Variants in WDR20 observed in about 807,000 individuals in gnomAD.
WDR20 encodes the protein WD repeat domain 20.
In WDR20, 3 loss-of-function variants were observed where a neutral mutation model predicts 38.7. That is an observed-to-expected ratio of 0.08 (90% CI 0.04 to 0.20). WDR20 has a LOEUF of 0.20. Among genes scored for constraint, WDR20 ranks in the 10% least tolerant of loss-of-function variants. WDR20 has a pLI of 1.00. For synonymous variants in WDR20, 298 were observed against 285.6 expected, an observed-to-expected ratio of 1.04 and a Z score of -0.44; for missense variants, 559 against 727.7, an observed-to-expected ratio of 0.77 and a Z score of 2.67.
downstream of WDR20, among the ~76,000 whole-genome samples, chr14:102,215,539 G>C (rs1389692043): frequency 6.6e-6 from 1 of 152,140 alleles, no homozygotes; most frequent in Non-Finnish European, 1.5e-5. Context: ...GTGCCACGGT[G>C]GTTTGTTGCG....
At chr14:102,186,674 G>A (rs780665593) in intron 1 of WDR20, among the ~76,000 whole-genome samples, 6 of 152,000 alleles carry the variant, frequency 3.9e-5, no homozygotes, top group Admixed American at 2.0e-4. Flanking sequence ...ACCAAGGGCC[G>A]GGCGCAGTGG....
intron 1 of WDR20, among the ~76,000 whole-genome samples, chr14:102,148,888 G>A (rs376554483): frequency 3.9e-5 from 6 of 152,236 alleles, no homozygotes; most frequent in East Asian, 3.9e-4. Flanking sequence ...TAGGCCAGGC[G>A]CGGTGGCTCA....
chr14:102,209,462 G>A lies in WDR20; in HGVS notation c.1292G>A (p.Arg431Gln). 3 of 1,614,136 alleles carry A rather than the reference G, an allele frequency of 1.9e-6. No homozygotes were observed. Among genetic ancestry groups the A allele is most frequent in the South Asian group, 1.1e-5 (1 of 91,084 alleles). ...PGNSVPPPLP[R>Q]SNSLPHSAVS... ...AACTCTGTGCCGCCTCCTCTGCCAC[G>A]GTCCAACAGCCTTCCACATTCAGCA... The change falls in exon 3 of 3, where the codon CGG (arginine) becomes CAG (glutamine). Residue 431 changes from arginine to glutamine, a missense_variant. Physicochemically the swap from Arg to Gln is conservative, Grantham distance 43. Transcript: ENST00000342702. The surrounding 1 kb of genome is among the most constrained non-coding windows in gnomAD (Gnocchi z 6.0).
At chr14:102,156,869 T>C (rs889915226) in intron 1 of WDR20, among the ~76,000 whole-genome samples, 2 of 152,052 alleles carry the variant, frequency 1.3e-5, no homozygotes, top group African/African-American at 4.8e-5. Context: ...CAGGCACCTG[T>C]AATCACAGAA....
At position 102,222,999 on chromosome 14, in the gene WDR20, G is replaced by A. The variant is rs920780741; in HGVS notation, c.*116G>A. 27 of 1,263,448 alleles carry A rather than the reference G, an allele frequency of 2.1e-5. No homozygotes were observed. Among genetic ancestry groups the A allele is most frequent in the South Asian group, 1.9e-4 (15 of 80,794 alleles). The allele number at this position is 1,263,448 out of a possible 1,614,324, so 78.3% of individuals were successfully genotyped here. A position where few individuals can be genotyped will look rare whatever the true frequency, so the allele number is the denominator to read the frequency against. On this transcript the variant is annotated 3_prime_UTR_variant, in exon 4 of 4. Coordinates refer to the WDR20 transcript ENST00000335263. This position sits in a 1 kb window ranked among gnomAD's most constrained non-coding sequence, Gnocchi z 4.4. ...CGGCGGACCTCAGGCGGTGGACGTC[G>A]GCGATAGCCGTGTGGACGGTGACCG...
chr14:102,217,198 T>C (rs2063320274), downstream of WDR20, among the ~76,000 whole-genome samples: 1 of 152,160 alleles, frequency 6.6e-6, no homozygotes, highest in South Asian at 2.1e-4. Flanking sequence ...GTAGAGAGGA[T>C]TGCAGGGCCA....
chr14:102,204,205 G>A (rs966258515), intron 2 of WDR20, among the ~76,000 whole-genome samples: 4 of 152,112 alleles, frequency 2.6e-5, no homozygotes, highest in Non-Finnish European at 4.4e-5. Flanking sequence ...GCACTGGTTC[G>A]GCTGTGTCTC....
chr14:102,222,723 T>A lies in WDR20; in HGVS notation c.1693-107T>A. On this transcript the variant is annotated intron_variant, in intron 3 of 3. Transcript: ENST00000335263. This position sits in a 1 kb window ranked among gnomAD's most constrained non-coding sequence, Gnocchi z 4.4. ...GTTTGCTCCCACACTGGCTTCCACA[T>A]CAACAGCACCAGTTTTGACCACGTG... The A allele has an allele frequency of 8.3e-7, 1 of 1,204,440 alleles. No homozygotes were observed. The highest frequency in any genetic ancestry group is 1.2e-5 in the South Asian group (1 of 80,966). The allele number at this position is 1,204,440 out of a possible 1,614,324, so 74.6% of individuals were successfully genotyped here.
chr14:102,139,625 G>A (rs1159572333), upstream of WDR20: 2 of 645,082 alleles, frequency 3.1e-6, no homozygotes, highest in Non-Finnish European at 5.3e-6. Flanking sequence ...CGGTCAACTA[G>A]ACCCCACTAG....
intron 1 of WDR20, among the ~76,000 whole-genome samples, chr14:102,173,476 A>ATTT (rs1491442743): frequency 7.1e-5 from 9 of 127,032 alleles, no homozygotes; most frequent in African/African-American, 3.5e-4. Context: ...TATTATTATT[A>ATTT]TTATTTTTAT....
chr14:102,187,628 G>A (rs2065200679), intron 1 of WDR20, among the ~76,000 whole-genome samples: 1 of 152,204 alleles, frequency 6.6e-6, no homozygotes, highest in Admixed American at 6.5e-5. Context: ...AGCCGTGGCA[G>A]TGGTGGAGTG....
chr14:102,224,273 C>T (rs1240636898), downstream of WDR20, among the ~76,000 whole-genome samples: 1 of 151,924 alleles, frequency 6.6e-6, no homozygotes, highest in East Asian at 1.9e-4. Context: ...ATCTCCTGAC[C>T]TCGTGATCCG....
chr14:102,158,294 T>G (rs1264718706), intron 1 of WDR20, among the ~76,000 whole-genome samples: 2 of 152,170 alleles, frequency 1.3e-5, no homozygotes, highest in East Asian at 3.9e-4. Flanking sequence ...CCCACCCTTC[T>G]AGATGACAAT....
intron 2 of WDR20, among the ~76,000 whole-genome samples, chr14:102,200,383 A>G (rs946136311): frequency 6.6e-6 from 1 of 152,076 alleles, no homozygotes; most frequent in Non-Finnish European, 1.5e-5. Flanking sequence ...AGCTGCCCAC[A>G]GAGGAGAGTC....
chr14:102,149,086 C>T (rs755030316), intron 1 of WDR20, among the ~76,000 whole-genome samples: 151 of 151,600 alleles, frequency 1.0e-3, no homozygotes, highest in Middle Eastern at 3.4e-3. Flanking sequence ...TACTTGAACC[C>T]GGGAGGTGGC....
downstream of WDR20, chr14:102,212,490 C>G (rs957739340): frequency 1.7e-5 from 26 of 1,535,220 alleles, no homozygotes; most frequent in Non-Finnish European, 2.3e-5. Context: ...TCCACTCTGC[C>G]CCTCTGACTG....
chr14:102,219,792 G>A (rs551819707), downstream of WDR20, among the ~76,000 whole-genome samples: 6 of 152,352 alleles, frequency 3.9e-5, no homozygotes, highest in South Asian at 2.1e-4. Flanking sequence ...TCAAAAGGGC[G>A]AAGCCTGCTA....
At chr14:102,187,934 A>T (rs10146538) in intron 1 of WDR20, among the ~76,000 whole-genome samples, 5,245 of 152,242 alleles carry the variant, frequency 0.034, 247 homozygotes, top group African/African-American at 0.1. Context: ...GTCTGCCTGC[A>T]TTAGGCACTT....
intron 1 of WDR20, among the ~76,000 whole-genome samples, chr14:102,187,405 A>G (rs1035553583): frequency 7.1e-6 from 1 of 140,956 alleles, no homozygotes; most frequent in Admixed American, 6.7e-5. Flanking sequence ...TGTCACACAT[A>G]GGCTGGGGGG....
Sources: gnomAD v4.1 joint callset for allele counts (sites outside exome capture counted in the v4.1 genomes callset) on GRCh38, gnomAD v4.1.1 for gene constraint, Gnocchi (gnomAD v3.1) non-coding constraint, MANE v1.5 for transcripts, NCBI Gene and HGNC (gene_info 2026-07-23, HGNC 2026-07-21) for gene names.